The following PAPSS2 variants were observed in gnomAD, a reference collection of about 807,000 sequenced individuals.
PAPSS2 encodes bifunctional 3'-phosphoadenosine 5'-phosphosulfate synthase 2.
In PAPSS2, 61 loss-of-function variants were observed where a neutral mutation model predicts 66.5. The observed-to-expected ratio is 0.92, with a 90% CI of 0.75 to 1.14. The LOEUF is 1.14. Ranked by LOEUF, PAPSS2 falls within the 50% of genes most tolerant of loss-of-function variation. PAPSS2 has a pLI of 0.00. For missense variants in PAPSS2, 708 were observed against 789.6 expected (o/e 0.90, Z 1.24); for synonymous variants, 289 against 287.5 (o/e 1.01, Z -0.05).
At chr10:87,717,978 A>G (rs1022417173) in intron 7 of PAPSS2, among the ~76,000 whole-genome samples, 6 of 152,040 alleles carry the variant, frequency 3.9e-5, no homozygotes, top group African/African-American at 1.2e-4. Flanking sequence ...CACTGTCTCA[A>G]TTTCATTTTA....
intron 1 of PAPSS2, among the ~76,000 whole-genome samples, chr10:87,695,487 G>A (rs12262663): frequency 3.9e-5 from 6 of 152,194 alleles, no homozygotes; most frequent in African/African-American, 9.7e-5. Context: ...GGGAGGACCC[G>A]CAACAAGTTC....
At chr10:87,664,591 T>C (rs889357810) in intron 1 of PAPSS2, among the ~76,000 whole-genome samples, 1 of 152,246 alleles carries the variant, frequency 6.6e-6, no homozygotes, top group African/African-American at 2.4e-5. Context: ...TTATCACTTT[T>C]CTGTTGATGC....
intron 1 of PAPSS2, chr10:87,661,135 G>C (rs946077550): frequency 8.3e-6 from 3 of 359,282 alleles, no homozygotes; most frequent in Non-Finnish European, 1.6e-5. Context: ...GGGCCGGGGA[G>C]AGGTTTAAAA....
intron 1 of PAPSS2, among the ~76,000 whole-genome samples, chr10:87,668,845 G>GGGGATACTTCCACT (rs1852843561): frequency 6.6e-6 from 1 of 152,134 alleles, no homozygotes; most frequent in Non-Finnish European, 1.5e-5. Flanking sequence ...CACTAAGCTA[G>GGGGATACTTCCACT]AACTCTGATC....
chr10:87,659,902 T>G lies in PAPSS2; in HGVS notation c.-80T>G. Reference sequence around the variant, plus strand: ...CAGCCGCTGCTGCTGCTGCTGCTGCTGCTGCCGCCGCCGCCGCCGCCGTCC... The same window carrying G: ...CAGCCGCTGCTGCTGCTGCTGCTGCGGCTGCCGCCGCCGCCGCCGCCGTCC... On this transcript the variant is annotated 5_prime_UTR_variant, in exon 1 of 13. Coordinates refer to ENST00000456849, the MANE Select transcript of PAPSS2 (RefSeq NM_001015880.2). The G allele has an allele frequency of 6.9e-7, 1 of 1,446,688 alleles. No homozygotes were observed. The allele number at this position is 1,446,688 out of a possible 1,614,324, so 89.6% of individuals were successfully genotyped here.
At chr10:87,689,686 A>G (rs549212202) in intron 1 of PAPSS2, among the ~76,000 whole-genome samples, 2 of 150,712 alleles carry the variant, frequency 1.3e-5, no homozygotes, top group Non-Finnish European at 1.5e-5. Flanking sequence ...AAAAAAAGAA[A>G]AAAAAAAAGA....
intron 10 of PAPSS2, among the ~76,000 whole-genome samples, chr10:87,743,133 C>T (rs1457414014): frequency 6.6e-6 from 1 of 151,894 alleles, no homozygotes; most frequent in African/African-American, 2.4e-5. Context: ...GTAATCCCAG[C>T]TACTCAGGAG....
rs536264710 is a variant in PAPSS2 at position 87,722,852 on chromosome 10, G to A, written c.880+1082G>A. On this transcript the variant is annotated intron_variant, in intron 8 of 12. Transcript: ENST00000456849. ...TAGCTACAGGCTTATAAGATCAGTT[G>A]GCATTATTACTTGGCAGAACTCCTT... Among the ~76,000 whole-genome samples, 3 of 152,330 alleles carry A rather than the reference G, an allele frequency of 2.0e-5. No individual in the cohort carries two copies. The South Asian group carries it at 6.2e-4, about 32-fold the overall frequency.
At position 87,686,256 on chromosome 10, in the gene PAPSS2, C is replaced by T. The variant is rs192328876; in HGVS notation, c.28-22940C>T. On this transcript the variant is annotated intron_variant, in intron 1 of 12. Coordinates refer to ENST00000456849, the MANE Select transcript of PAPSS2 (RefSeq NM_001015880.2). ...AAGTTAAGTGTGCAAGCTATCCTGT[C>T]GAACTTTGTCCTTTTTTTTCTAGAC... 6.8e-5 allele frequency among the ~76,000 whole-genome samples: 10 copies of T among 146,396 alleles called. No individual in the cohort carries two copies. The East Asian group carries it at 1.6e-3, about 23-fold the overall frequency.
chr10:87,660,115 T>A, intron 1 of PAPSS2, 107 bp downstream of exon 1: 3 of 1,182,930 alleles, frequency 2.5e-6, no homozygotes, highest in Non-Finnish European at 3.7e-6. Context: ...GGAGGGGGCG[T>A]CGGGAGGAGG....
At chr10:87,705,503 T>C (rs1440721883) in intron 1 of PAPSS2, among the ~76,000 whole-genome samples, 4 of 152,170 alleles carry the variant, frequency 2.6e-5, no homozygotes, top group African/African-American at 4.8e-5. Context: ...GGGTTTTTTT[T>C]CCCAGGATGA....
intron 1 of PAPSS2, among the ~76,000 whole-genome samples, chr10:87,663,596 G>A (rs138337609): frequency 4.8e-4 from 73 of 152,186 alleles, no homozygotes; most frequent in African/African-American, 1.7e-3. Flanking sequence ...GAAATACCAG[G>A]GGCAGGGCAC....
chr10:87,707,126 G>A (rs1266739628), intron 1 of PAPSS2, among the ~76,000 whole-genome samples: 2 of 152,164 alleles, frequency 1.3e-5, no homozygotes, highest in African/African-American at 2.4e-5. Context: ...CTCACTAGCA[G>A]GCCCATCCCC....
intron 9 of PAPSS2, among the ~76,000 whole-genome samples, chr10:87,730,632 C>G (rs1471370883): frequency 1.3e-5 from 2 of 152,120 alleles, no homozygotes; most frequent in African/African-American, 4.8e-5. Context: ...TATTTTCCAG[C>G]CCTTTTGAAT....
chr10:87,666,212 C>T (rs1006819258), intron 1 of PAPSS2, among the ~76,000 whole-genome samples: 1 of 152,174 alleles, frequency 6.6e-6, no homozygotes, highest in African/African-American at 2.4e-5. Flanking sequence ...GATCTGTCTG[C>T]CTTGGCCTCC....
chr10:87,679,959 A>G (rs1456647042), intron 1 of PAPSS2, among the ~76,000 whole-genome samples: 1 of 151,710 alleles, frequency 6.6e-6, no homozygotes, highest in Admixed American at 6.6e-5. Context: ...CTCGAAGGTC[A>G]AGGCTGCAGT....
chr10:87,670,115 A>G (rs1852858064), intron 1 of PAPSS2, among the ~76,000 whole-genome samples: 1 of 152,244 alleles, frequency 6.6e-6, no homozygotes, highest in Non-Finnish European at 1.5e-5. Context: ...CATAAGGTGA[A>G]TAATTGGAAA....
intron 1 of PAPSS2, among the ~76,000 whole-genome samples, chr10:87,680,295 C>G (rs1288207241): frequency 6.6e-6 from 1 of 152,170 alleles, no homozygotes; most frequent in East Asian, 1.9e-4. Context: ...TGGTCTCACT[C>G]TAAGTTGGTT....
intron 2 of PAPSS2, among the ~76,000 whole-genome samples, chr10:87,711,625 A>G (rs892889500): frequency 6.6e-6 from 1 of 152,236 alleles, no homozygotes; most frequent in African/African-American, 2.4e-5. Context: ...TGATGAAGTT[A>G]GTGTTGACAC....
Sources: allele counts gnomAD v4.1 joint callset (sites outside exome capture counted in the v4.1 genomes callset), GRCh38; gene constraint gnomAD v4.1.1; transcripts MANE v1.5; gene names NCBI Gene and HGNC (gene_info 2026-07-23, HGNC 2026-07-21).